CNKSR3: variants seen among roughly 807,000 people sequenced by gnomAD.
The protein encoded by CNKSR3 is connector enhancer of kinase suppressor of ras 3.
In CNKSR3, 36 loss-of-function variants were observed where a neutral mutation model predicts 67.7. That is an observed-to-expected ratio of 0.53 (90% CI 0.41 to 0.70). CNKSR3 has a LOEUF of 0.70. Among genes scored for constraint, CNKSR3 ranks in the 30% least tolerant of loss-of-function variants. The probability of loss-of-function intolerance (pLI) is 0.00; values close to 1 mark genes in which losing one functional copy is unlikely to be tolerated. For missense variants in CNKSR3, 630 were observed against 695.2 expected (o/e 0.91, Z 1.05); for synonymous variants, 281 against 271.4 (o/e 1.04, Z -0.35).
intron 6 of CNKSR3, among the ~76,000 whole-genome samples, chr6:154,429,567 T>C (rs1291912868): frequency 6.6e-6 from 1 of 152,210 alleles, no homozygotes; most frequent in Non-Finnish European, 1.5e-5. Flanking sequence ...TCATTTGCTT[T>C]GAAGCCAAGC....
At chr6:154,483,913 T>C (rs1786615845) in intron 1 of CNKSR3, among the ~76,000 whole-genome samples, 1 of 152,186 alleles carries the variant, frequency 6.6e-6, no homozygotes, top group Non-Finnish European at 1.5e-5. Flanking sequence ...GGCTTCTTGA[T>C]TGGGACTGTA....
intron 4 of CNKSR3, among the ~76,000 whole-genome samples, chr6:154,436,109 T>C (rs895087841): frequency 3.9e-5 from 6 of 152,268 alleles, no homozygotes; most frequent in African/African-American, 1.4e-4. Flanking sequence ...CAAGTGTGGA[T>C]AGACACCTGA....
intron 2 of CNKSR3, among the ~76,000 whole-genome samples, chr6:154,449,145 A>C (rs1368184563): frequency 6.6e-6 from 1 of 152,118 alleles, no homozygotes; most frequent in East Asian, 1.9e-4. Context: ...TAAAGCCAAA[A>C]CCCATCATCT....
In CNKSR3 at chr6:154,414,281, C is replaced by A; in HGVS notation, c.1070+18G>T. The A allele has an allele frequency of 1.3e-6, 2 of 1,567,774 alleles. No individual in the cohort carries two copies. Among genetic ancestry groups the A allele is most frequent in the Non-Finnish European group, 8.6e-7 (1 of 1,162,066 alleles). On this transcript the variant is annotated intron_variant, in intron 10 of 12. Coordinates refer to ENST00000607772, the MANE Select transcript of CNKSR3 (RefSeq NM_173515.4). ...CCAACAGGAGACAAGCATACCATGA[C>A]AATGGACAGCAACATACCGGGGAGA...
intron 1 of CNKSR3, among the ~76,000 whole-genome samples, chr6:154,492,807 C>T (rs1219531942): frequency 1.3e-5 from 2 of 151,872 alleles, no homozygotes; most frequent in African/African-American, 2.4e-5. Flanking sequence ...ACCTGCTTCT[C>T]CCACCTCTCA....
At chr6:154,493,147 A>T (rs1381359957) in intron 1 of CNKSR3, among the ~76,000 whole-genome samples, 2 of 152,146 alleles carry the variant, frequency 1.3e-5, no homozygotes, top group Admixed American at 6.5e-5. Context: ...CCCCTTGGTC[A>T]CGATGCCTCA....
intron 1 of CNKSR3, among the ~76,000 whole-genome samples, chr6:154,452,587 A>G (rs4870288): frequency 0.7 from 107,184 of 152,144 alleles, 38,136 homozygotes; most frequent in East Asian, 0.9. Flanking sequence ...GTTTTAATTC[A>G]TCATACAAGT....
chr6:154,412,649 A>T (rs1784933987), intron 10 of CNKSR3, among the ~76,000 whole-genome samples: 1 of 152,202 alleles, frequency 6.6e-6, no homozygotes, highest in Non-Finnish European at 1.5e-5. Context: ...CGCTATAATA[A>T]GTTCTGAGTA....
chr6:154,422,314 G>C (rs974879707), intron 9 of CNKSR3, among the ~76,000 whole-genome samples, 192 bp downstream of exon 9: 29 of 152,104 alleles, frequency 1.9e-4, no homozygotes, highest in African/African-American at 6.5e-4. Flanking sequence ...AGTCATATAT[G>C]GTTACTGGCT....
At position 154,390,454 on chromosome 6, in the gene CNKSR3, TAACTTCTCATGGAA is replaced by T. The variant is rs908331068; in HGVS notation, c.*15886_*15899del. On this transcript the variant is annotated 3_prime_UTR_variant, in exon 13 of 13. Coordinates refer to ENST00000607772, the MANE Select transcript of CNKSR3 (RefSeq NM_173515.4). ...ACACATTGTGAAAGTATAGGGACAT[TAACTTCTCATGGAA>T]AAATTCTCACTATTAGGAGACAGGA... The T allele has an allele frequency of 1.3e-5, 2 of 152,230 alleles. No individual in the cohort carries two copies. The highest frequency in any genetic ancestry group is 4.8e-5 in the African/African-American group (2 of 41,466). The allele number at this position is 152,230 out of a possible 1,614,324, so 9.4% of individuals were successfully genotyped here. A position where few individuals can be genotyped will look rare whatever the true frequency, so the allele number is the denominator to read the frequency against.
At chr6:154,460,502 C>A (rs192728069) in intron 1 of CNKSR3, among the ~76,000 whole-genome samples, 10 of 152,164 alleles carry the variant, frequency 6.6e-5, no homozygotes, top group African/African-American at 2.4e-4. Context: ...ACAAAACCTA[C>A]GCAATACTCT....
Position 154,390,061 on chromosome 6 carries a change from T to C in CNKSR3, c.*16293A>G, listed in dbSNP as rs1554229614. 2 of 152,242 alleles carry C rather than the reference T, an allele frequency of 1.3e-5. No individual in the cohort carries two copies. Among genetic ancestry groups the C allele is most frequent in the Non-Finnish European group, 2.9e-5 (2 of 68,034 alleles). The allele number at this position is 152,242 out of a possible 1,614,324, so 9.4% of individuals were successfully genotyped here. A position where few individuals can be genotyped will look rare whatever the true frequency, so the allele number is the denominator to read the frequency against. The stretch of plus-strand genomic sequence containing the variant: ...CATCAGTCCACACATATCCCTCTTT[T>C]ATTTCATTTCATTTTGAAAATAATA... On this transcript the variant is annotated 3_prime_UTR_variant, in exon 13 of 13. Transcript: ENST00000607772.
At chr6:154,440,268 T>C (rs1262533036) in intron 4 of CNKSR3, among the ~76,000 whole-genome samples, 1 of 152,134 alleles carries the variant, frequency 6.6e-6, no homozygotes, top group Non-Finnish European at 1.5e-5. Context: ...CTTTTCAGAA[T>C]TGCATCTCTG....
At chr6:154,476,056 C>T (rs960837248) in intron 1 of CNKSR3, among the ~76,000 whole-genome samples, 50 of 151,734 alleles carry the variant, frequency 3.3e-4, no homozygotes, top group Admixed American at 7.2e-4. Flanking sequence ...GATGGTTCAG[C>T]GTTAGAAAGA....
intron 4 of CNKSR3, 24 bp downstream of exon 4, chr6:154,441,268 A>C (rs892886313): frequency 7.5e-7 from 1 of 1,337,544 alleles, no homozygotes; most frequent in Non-Finnish European, 1.0e-6. Flanking sequence ...AAAAAAAAGA[A>C]AGTGAAAATG....
Position 154,393,392 on chromosome 6 carries a change from G to A in CNKSR3, c.*12962C>T, listed in dbSNP as rs1784628089. On this transcript the variant is annotated 3_prime_UTR_variant, in exon 13 of 13. Transcript: ENST00000607772. ...TTCAGTTTTGCCAGTCAGGTAGAGA[G>A]CAGCATCTCCCTGTGATTTTGACTT... is the stretch of plus-strand genomic sequence containing the variant. 1 of 152,204 alleles carries A rather than the reference G, an allele frequency of 6.6e-6. No individual in the cohort carries two copies. The highest frequency in any genetic ancestry group is 6.5e-5 in the Admixed American group (1 of 15,282). The allele number at this position is 152,204 out of a possible 1,614,324, so 9.4% of individuals were successfully genotyped here.
intron 1 of CNKSR3, among the ~76,000 whole-genome samples, chr6:154,502,992 AGTT>A (rs1427895348): frequency 6.6e-6 from 1 of 152,180 alleles, no homozygotes; most frequent in Non-Finnish European, 1.5e-5. Flanking sequence ...CCGGAGCAGG[AGTT>A]GTCACTTGCC....
At position 154,406,621 on chromosome 6, in the gene CNKSR3, G is replaced by C. The variant is rs148296759; in HGVS notation, c.1401C>G (p.Asn467Lys). ...GEDALCRYFS[N>K]ERIPPIIEES... ...CTTCAATGATCGGAGGAATCCGCTC[G>C]TTACTGAAATACCGGCAAAGGGCAT... The change falls in exon 13 of 13, where the codon AAC (asparagine) becomes AAG (lysine). Residue 467 changes from asparagine (N) to lysine (K), a missense_variant. Asn to Lys is a moderately conservative substitution (Grantham distance 94). Transcript: ENST00000607772. 4 of 1,613,622 alleles carry C rather than the reference G, an allele frequency of 2.5e-6. No individual in the cohort carries two copies. The highest frequency in any genetic ancestry group is 3.4e-6 in the Non-Finnish European group (4 of 1,179,590).
chr6:154,419,426 G>A (rs1308718573), intron 9 of CNKSR3, among the ~76,000 whole-genome samples: 14 of 152,154 alleles, frequency 9.2e-5, no homozygotes, highest in Non-Finnish European at 1.9e-4. Context: ...AATCATCAGG[G>A]AAATGCAAAT....
Sources: allele counts gnomAD v4.1 joint callset (sites outside exome capture counted in the v4.1 genomes callset), GRCh38; gene constraint gnomAD v4.1.1; transcripts MANE v1.5; gene names NCBI Gene and HGNC (gene_info 2026-07-23, HGNC 2026-07-21).